The following PRKAR2B variants were observed in gnomAD, a reference collection of about 807,000 sequenced individuals.
PRKAR2B encodes the protein cAMP-dependent protein kinase type II-beta regulatory subunit.
In PRKAR2B, 14 loss-of-function variants were observed where a neutral mutation model predicts 49.9. The observed-to-expected ratio is 0.28, with a 90% confidence interval of 0.19 to 0.44. The LOEUF is 0.44. Ranked by LOEUF, PRKAR2B falls within the 20% of genes least tolerant of loss-of-function variation. PRKAR2B has a pLI of 1.00. For missense variants in PRKAR2B, 393 were observed against 537.9 expected, an observed-to-expected ratio of 0.73 and a Z score of 2.67; for synonymous variants, 196 against 197.7, an observed-to-expected ratio of 0.99 and a Z score of 0.07.
intron 2 of PRKAR2B, among the ~76,000 whole-genome samples, chr7:107,106,412 A>T (rs1050158800): frequency 3.9e-5 from 6 of 152,174 alleles, no homozygotes; most frequent in South Asian, 2.1e-4. Context: ...CCTCTACCAT[A>T]CATCAGATGG....
At chr7:107,050,551 T>G (rs1018134836) in intron 1 of PRKAR2B, among the ~76,000 whole-genome samples, 1 of 152,096 alleles carries the variant, frequency 6.6e-6, no homozygotes, top group African/African-American at 2.4e-5. Context: ...AGGGGACCTA[T>G]GAATCCATCA....
chr7:107,127,457 C>T (rs948266302), intron 3 of PRKAR2B, among the ~76,000 whole-genome samples: 3 of 151,112 alleles, frequency 2.0e-5, no homozygotes, highest in Non-Finnish European at 4.4e-5. Context: ...CGAGAGATAG[C>T]AAGCCACACT....
At position 107,153,082 on chromosome 7, in the gene PRKAR2B, A is replaced by G; in HGVS notation, c.844-95A>G. The G allele has an allele frequency of 5.5e-6, 4 of 720,748 alleles. No homozygotes were observed. The South Asian group carries it at 8.7e-5, about 16-fold the overall frequency. The allele number at this position is 720,748 out of a possible 1,614,324, so 44.6% of individuals were successfully genotyped here. ...ATACAACCTACACACTGCTCGATTT[A>G]TTTGGCCTATAGGCTACCAGTTTTT... On this transcript the variant is annotated intron_variant, in intron 7 of 10. Coordinates refer to ENST00000265717, the MANE Select transcript of PRKAR2B (RefSeq NM_002736.3).
chr7:107,159,359 G>GAT, intron 10 of PRKAR2B, 90 bp from the exon 11 acceptor site: 1 of 1,211,614 alleles, frequency 8.3e-7, no homozygotes, highest in East Asian at 2.4e-5. Flanking sequence ...TTGCACTATT[G>GAT]ATATATATGG....
intron 2 of PRKAR2B, among the ~76,000 whole-genome samples, chr7:107,117,229 A>G (rs1795292074): frequency 1.3e-5 from 2 of 151,866 alleles, no homozygotes; most frequent in South Asian, 2.1e-4. Context: ...TGAAAAAGGT[A>G]ATTTTTTTTT....
intron 2 of PRKAR2B, among the ~76,000 whole-genome samples, chr7:107,074,005 T>A (rs768843958): frequency 1.4e-4 from 21 of 152,074 alleles, no homozygotes; most frequent in Non-Finnish European, 2.2e-4. Flanking sequence ...GAGGTTACAG[T>A]GGGCTGAGAT....
intron 2 of PRKAR2B, among the ~76,000 whole-genome samples, chr7:107,101,875 C>CTTT (rs10589473): frequency 1.6e-4 from 15 of 94,222 alleles, no homozygotes; most frequent in Admixed American, 4.9e-4. Context: ...AGCCCTGATC[C>CTTT]TTTTTTTTTT....
intron 8 of PRKAR2B, 64 bp downstream of exon 8, chr7:107,153,315 A>G: frequency 8.5e-7 from 1 of 1,182,644 alleles, no homozygotes. Flanking sequence ...GTAGTGGTAG[A>G]TCTTGATAAA....
chr7:107,080,893 A>G (rs1038377699), intron 2 of PRKAR2B, among the ~76,000 whole-genome samples: 4 of 152,198 alleles, frequency 2.6e-5, no homozygotes, highest in Admixed American at 6.5e-5. Context: ...GATCTTAGGT[A>G]CATCATTTAT....
chr7:107,060,497 T>A (rs1006547639), intron 1 of PRKAR2B, among the ~76,000 whole-genome samples: 1 of 152,228 alleles, frequency 6.6e-6, no homozygotes, highest in Admixed American at 6.5e-5. Context: ...TTGAACATCT[T>A]TTCCTGTTCA....
chr7:107,134,277 C>G (rs1795657494), intron 4 of PRKAR2B, among the ~76,000 whole-genome samples: 1 of 152,122 alleles, frequency 6.6e-6, no homozygotes, highest in African/African-American at 2.4e-5. Context: ...GATCTGCCTG[C>G]CTCAGCCTCC....
chr7:107,135,302 T>C (rs987747378), intron 4 of PRKAR2B, among the ~76,000 whole-genome samples: 2 of 152,302 alleles, frequency 1.3e-5, no homozygotes, highest in Middle Eastern at 3.4e-3. Context: ...ATAAAGTGAT[T>C]AATTTTATGT....
chr7:107,138,511 T>C (rs1795738789), intron 4 of PRKAR2B, among the ~76,000 whole-genome samples: 1 of 151,890 alleles, frequency 6.6e-6, no homozygotes, highest in Non-Finnish European at 1.5e-5. Flanking sequence ...CCTCCCAGGC[T>C]CAAGCAATCC....
chr7:107,074,046 G>A (rs913590169), intron 2 of PRKAR2B, among the ~76,000 whole-genome samples: 18 of 152,096 alleles, frequency 1.2e-4, no homozygotes, highest in Admixed American at 3.9e-4. Flanking sequence ...GGGCAACAGA[G>A]TGAGACCCTG....
intron 1 of PRKAR2B, among the ~76,000 whole-genome samples, chr7:107,046,284 A>T (rs890176264): frequency 6.6e-6 from 1 of 152,364 alleles, no homozygotes; most frequent in South Asian, 2.1e-4. Flanking sequence ...GCAAACATGC[A>T]TGCAGCATTG....
intron 4 of PRKAR2B, among the ~76,000 whole-genome samples, chr7:107,140,019 C>T (rs1274711344): frequency 1.3e-5 from 2 of 152,140 alleles, no homozygotes; most frequent in Non-Finnish European, 2.9e-5. Flanking sequence ...AATCTTTAGA[C>T]TTTTCCATTG....
intron 3 of PRKAR2B, among the ~76,000 whole-genome samples, 154 bp from the exon 4 acceptor site, chr7:107,128,057 AC>A (rs1795530547): frequency 6.6e-6 from 1 of 152,240 alleles, no homozygotes; most frequent in Non-Finnish European, 1.5e-5. Context: ...GTTACCAGTC[AC>A]CAAAAGTGAA....
chr7:107,086,477 C>T (rs1794623347), intron 2 of PRKAR2B, among the ~76,000 whole-genome samples: 2 of 151,466 alleles, frequency 1.3e-5, no homozygotes, highest in Non-Finnish European at 2.9e-5. Context: ...TAGAAATTTT[C>T]AGAAATGTCT....
intron 4 of PRKAR2B, among the ~76,000 whole-genome samples, chr7:107,138,488 A>G (rs370157609): frequency 1.1e-4 from 16 of 152,174 alleles, no homozygotes; most frequent in East Asian, 3.9e-4. Flanking sequence ...GTCATGGCTC[A>G]CTGCAGCCTC....
Sources: allele counts gnomAD v4.1 joint callset (sites outside exome capture counted in the v4.1 genomes callset), GRCh38; gene constraint gnomAD v4.1.1; transcripts MANE v1.5; gene names NCBI Gene and HGNC (gene_info 2026-07-23, HGNC 2026-07-21).